Variants in TDO2 observed in about 807,000 individuals in gnomAD.
TDO2 encodes the protein tryptophan 2,3-dioxygenase.
TDO2 carries 63 observed loss-of-function variants against 61.2 expected under a neutral mutation model. The observed-to-expected ratio is 1.03, with a 90% CI of 0.84 to 1.27. The LOEUF is 1.27. TDO2 is among the 50% of genes most tolerant of loss of function. TDO2 has a pLI of 0.00. For missense variants in TDO2, 494 were observed against 469.5 expected (o/e 1.05, Z -0.48); for synonymous variants, 183 against 164.0 (o/e 1.12, Z -0.89).
At chr4:155,916,191 G>A (rs867583545) in intron 9 of TDO2, among the ~76,000 whole-genome samples, 4 of 132,478 alleles carry the variant, frequency 3.0e-5, no homozygotes, top group South Asian at 2.7e-4. Flanking sequence ...TTTTTGAGAC[G>A]GAGTCTCGCT....
intron 9 of TDO2, 143 bp from the exon 10 acceptor site, chr4:155,917,252 G>A (rs997014700): frequency 5.0e-6 from 3 of 597,810 alleles, no homozygotes; most frequent in African/African-American, 3.8e-5. Context: ...CTGAGACTGA[G>A]AGAATAAGCC....
At chr4:155,908,440 A>C (rs1017553355) in intron 4 of TDO2, among the ~76,000 whole-genome samples, 1 of 52,220 alleles carries the variant, frequency 1.9e-5, no homozygotes, top group Non-Finnish European at 8.5e-5. Context: ...AGCACATGGG[A>C]CCCATACAGA....
chr4:155,911,445 C>T, intron 6 of TDO2, 52 bp from the exon 7 acceptor site: 2 of 1,326,840 alleles, frequency 1.5e-6, no homozygotes, highest in Non-Finnish European at 2.1e-6. Flanking sequence ...GGTTACAATG[C>T]ATTTTACATA....
At chr4:155,912,612 A>G (rs1742855053) in intron 7 of TDO2, among the ~76,000 whole-genome samples, 1 of 151,976 alleles carries the variant, frequency 6.6e-6, no homozygotes, top group African/African-American at 2.4e-5. Context: ...TTTCTCTCTC[A>G]GACCAATAAA....
In TDO2 at chr4:155,910,064, A is replaced by G. The variant is rs371450027; in HGVS notation, c.471A>G (p.Gln157=). 2.5e-6 allele frequency: 4 copies of G among 1,586,608 alleles called. No individual in the cohort carries two copies. The African/African-American group carries it at 5.5e-5, about 22-fold the overall frequency. ...LSPASGFQSL[Q]FRLLENKIGV... is the part of the protein sequence containing the mutation. ...CAGCATCAGGCTTCCAGAGTTTGCA[A>G]TTCCGACTATTAGAAAACAAGATAG... Residue 157 remains glutamine, a synonymous_variant, in exon 6 of 12, where the codon CAA becomes CAG. Transcript: ENST00000536354.
chr4:155,906,158 TGATGCTCTCACTTACA>T (rs1742715235), intron 3 of TDO2: 1 of 152,170 alleles, frequency 6.6e-6, no homozygotes, highest in Non-Finnish European at 1.5e-5. Flanking sequence ...AGAGAATTAC[TGATGCTCTCACTTACA>T]GAGTTCCTAG....
chr4:155,913,337 A>G (rs1256558224), intron 7 of TDO2, among the ~76,000 whole-genome samples: 2 of 152,088 alleles, frequency 1.3e-5, no homozygotes, highest in African/African-American at 2.4e-5. Flanking sequence ...TTTCTTTATT[A>G]GCTAAGTTTA....
chr4:155,915,190 TTTATTGTAACGCATCCC>T (rs1742909036), intron 8 of TDO2, among the ~76,000 whole-genome samples: 1 of 152,208 alleles, frequency 6.6e-6, no homozygotes, highest in Admixed American at 6.5e-5. Flanking sequence ...ACTTAGAACT[TTTATTGTAACGCATCCC>T]AAACCTTTTT....
chr4:155,907,607 T>C (rs920176203), intron 3 of TDO2, 115 bp from the exon 4 acceptor site: 2 of 679,472 alleles, frequency 2.9e-6, no homozygotes, highest in South Asian at 1.9e-5. Flanking sequence ...TTACATTTAT[T>C]GATTTTAAGG....
At position 155,918,327 on chromosome 4, in the gene TDO2, T is replaced by C. The variant is rs754371168; in HGVS notation, c.1067+88T>C. 3.4e-6 allele frequency: 4 copies of C among 1,188,914 alleles called. No homozygotes were observed. The East Asian group carries it at 9.6e-5, about 29-fold the overall frequency. The allele number at this position is 1,188,914 out of a possible 1,614,324, so 73.6% of individuals were successfully genotyped here. On this transcript the variant is annotated intron_variant, in intron 11 of 11. Coordinates refer to ENST00000536354, the MANE Select transcript of TDO2 (RefSeq NM_005651.4). ...TACATTTGCTATCTAAAAAAAGCCATTTTATTTGCTCCTGTCTGAACTACT... is the reference window on the plus strand; with the variant it reads ...TACATTTGCTATCTAAAAAAAGCCACTTTATTTGCTCCTGTCTGAACTACT...
In TDO2 at chr4:155,917,466, A is replaced by G; in HGVS notation, c.968A>G (p.Lys323Arg). 1 of 1,610,584 alleles carries G rather than the reference A, an allele frequency of 6.2e-7. No homozygotes were observed. Among genetic ancestry groups the G allele is most frequent in the Non-Finnish European group, 8.5e-7 (1 of 1,178,518 alleles). ...SLMDIDSLMT[K>R]WRYNHVCMVH... ...ATGGACATAGATTCACTGATGACCA[A>G]ATGGAGATGTAAGTCCTTCCCACTC... The change falls in exon 10 of 12, where the codon AAA becomes AGA. Residue 323 changes from lysine (K) to arginine (R), a missense_variant. By Grantham distance (26) the Lys-to-Arg change is conservative. Coordinates refer to ENST00000536354, the MANE Select transcript of TDO2 (RefSeq NM_005651.4).
At chr4:155,907,612 T>A in intron 3 of TDO2, 110 bp from the exon 4 acceptor site, 1 of 709,296 alleles carries the variant, frequency 1.4e-6, no homozygotes, top group African/African-American at 1.8e-5. Flanking sequence ...TTTATTGATT[T>A]TAAGGTAACA....
chr4:155,905,034 A>G, intron 2 of TDO2, 33 bp from the exon 3 acceptor site: 1 of 1,499,450 alleles, frequency 6.7e-7, no homozygotes, highest in South Asian at 1.3e-5. Flanking sequence ...AAGTTCTGCA[A>G]TTTCAGACAG....
At chr4:155,909,178 A>T (rs1445803738) in intron 5 of TDO2, among the ~76,000 whole-genome samples, 164 bp downstream of exon 5, 1 of 152,326 alleles carries the variant, frequency 6.6e-6, no homozygotes, top group Non-Finnish European at 1.5e-5. Flanking sequence ...TTGAGAAGTT[A>T]TTAAAAATAT....
chr4:155,918,359 A>T (rs1048416206), intron 11 of TDO2, 120 bp downstream of exon 11: 2 of 751,738 alleles, frequency 2.7e-6, no homozygotes, highest in Non-Finnish European at 4.4e-6. Flanking sequence ...TACTAACAAC[A>T]CGTTTGTAGT....
chr4:155,907,789 C>T lies in TDO2; in HGVS notation c.300C>T (p.Gly100=). The T allele has an allele frequency of 6.2e-7, 1 of 1,611,068 alleles. No individual in the cohort carries two copies. Among genetic ancestry groups the T allele is most frequent in the Non-Finnish European group, 8.5e-7 (1 of 1,177,792 alleles). Residue 100 remains glycine (G), a synonymous_variant, in exon 4 of 12, where the codon GGC becomes GGT. Transcript: ENST00000536354. The stretch of plus-strand genomic sequence containing the variant: ...CTGTTCGAGAGATCTTTCAGAATGG[C>T]CATGTAAGTTCTTATGTCACAATAT... The part of the protein sequence containing the change: ...LDSVREIFQN[G]HVRDERNMLK...
chr4:155,909,025 T>C lies in TDO2; in HGVS notation c.431+11T>C. Reference sequence around the variant, plus strand: ...CTTCAATGACTTCAGGTGTGCACATTTGGCATTTTAAAAAATGTGATGGAA... The same window carrying C: ...CTTCAATGACTTCAGGTGTGCACATCTGGCATTTTAAAAAATGTGATGGAA... On this transcript the variant is annotated intron_variant, in intron 5 of 11. Transcript: ENST00000536354. 2 of 1,583,246 alleles carry C rather than the reference T, an allele frequency of 1.3e-6. No individual in the cohort carries two copies. The highest frequency in any genetic ancestry group is 1.7e-6 in the Non-Finnish European group (2 of 1,166,324).
intron 7 of TDO2, among the ~76,000 whole-genome samples, chr4:155,912,028 G>T (rs964848359): frequency 1.3e-5 from 2 of 152,126 alleles, no homozygotes; most frequent in Admixed American, 6.5e-5. Flanking sequence ...AAAAGATACT[G>T]TTGATTGCTC....
In TDO2 at chr4:155,909,027, G is replaced by A. The variant is rs767872504; in HGVS notation, c.431+13G>A. The A allele has an allele frequency of 6.3e-7, 1 of 1,579,750 alleles. No individual in the cohort carries two copies. Among genetic ancestry groups the A allele is most frequent in the Non-Finnish European group, 8.6e-7 (1 of 1,164,894 alleles). The stretch of plus-strand genomic sequence containing the variant: ...TCAATGACTTCAGGTGTGCACATTT[G>A]GCATTTTAAAAAATGTGATGGAATT... On this transcript the variant is annotated intron_variant, in intron 5 of 11. Coordinates refer to ENST00000536354, the MANE Select transcript of TDO2 (RefSeq NM_005651.4).
Sources: allele counts gnomAD v4.1 joint callset (sites outside exome capture counted in the v4.1 genomes callset), GRCh38; gene constraint gnomAD v4.1.1; transcripts MANE v1.5; gene names NCBI Gene and HGNC (gene_info 2026-07-23, HGNC 2026-07-21).